SLC12A3: variants seen among roughly 807,000 people sequenced by gnomAD.
SLC12A3 encodes the protein solute carrier family 12 member 3.
SLC12A3 carries 104 observed loss-of-function variants against 121.0 expected under a neutral mutation model. That is an observed-to-expected ratio of 0.86 (90% confidence interval 0.73 to 1.01). SLC12A3 has a LOEUF of 1.01. SLC12A3 is among the 50% of genes least tolerant of loss of function. The probability of loss-of-function intolerance (pLI) is 0.00; values close to 1 mark genes in which losing one functional copy is unlikely to be tolerated. For synonymous variants in SLC12A3, 536 were observed against 533.4 expected (o/e 1.00, Z -0.07); for missense variants, 1,328 against 1,356.3 (o/e 0.98, Z 0.33).
chr16:56,893,148 G>A (rs1292721593), intron 21 of SLC12A3, 94 bp downstream of exon 21: 4 of 1,041,380 alleles, frequency 3.8e-6, no homozygotes, highest in Non-Finnish European at 4.4e-6. Flanking sequence ...TCTCAAAGGG[G>A]ACAGGGGCTC....
At chr16:56,911,260 T>G (rs1405434445) in intron 25 of SLC12A3, among the ~76,000 whole-genome samples, 1 of 152,250 alleles carries the variant, frequency 6.6e-6, no homozygotes, top group Non-Finnish European at 1.5e-5. Flanking sequence ...GACTATAGCT[T>G]AATGAAATGG....
At position 56,913,558 on chromosome 16, in the gene SLC12A3, A is replaced by G; in HGVS notation, c.*153A>G. ...ACCGAAAAAGATGGTAGATTTCCAA[A>G]TCTGGCTGGACTCCACTTCCATGGG... On this transcript the variant is annotated 3_prime_UTR_variant, in exon 26 of 26. Transcript: ENST00000563236. The G allele has an allele frequency of 1.2e-6, 1 of 816,226 alleles. No individual in the cohort carries two copies. Among genetic ancestry groups the G allele is most frequent in the Non-Finnish European group, 2.1e-6 (1 of 475,882 alleles). 50.6% of individuals were successfully genotyped at this position (816,226 alleles called of 1,614,324 possible).
intron 3 of SLC12A3, among the ~76,000 whole-genome samples, chr16:56,869,478 C>T (rs2055058602): frequency 6.6e-6 from 1 of 152,190 alleles, no homozygotes. Flanking sequence ...CAGGCATGTG[C>T]CAGCATGCCT....
chr16:56,897,858 C>A (rs1350488105), intron 22 of SLC12A3, among the ~76,000 whole-genome samples: 1 of 152,230 alleles, frequency 6.6e-6, no homozygotes, highest in African/African-American at 2.4e-5. Flanking sequence ...ACTGCCCAGG[C>A]CTGCCAGCCT....
chr16:56,869,172 CA>C (rs1193968178), intron 3 of SLC12A3, among the ~76,000 whole-genome samples: 1 of 152,148 alleles, frequency 6.6e-6, no homozygotes, highest in Non-Finnish European at 1.5e-5. Flanking sequence ...AGTAAAAACA[CA>C]GCGCAGATTT....
chr16:56,890,320 G>A lies in SLC12A3; in HGVS notation c.2332G>A (p.Glu778Lys), dbSNP rs1273559412. Residue 778 changes from glutamate (E) to lysine (K), a missense_variant, in exon 19 of 26, where the codon GAG (glutamate) becomes AAG (lysine). Coordinates refer to ENST00000563236, the MANE Select transcript of SLC12A3 (RefSeq NM_001126108.2). ...TGGCGTGTGTGTCATGAGGATGCGG[G>A]AGGGACTCAACGTGTCCAAGATGAT... ...NYGVCVMRMREGLNVSKMMQA... is the reference protein window; with the variant it reads ...NYGVCVMRMRKGLNVSKMMQA... 4 of 1,614,168 alleles carry A rather than the reference G, an allele frequency of 2.5e-6. No individual in the cohort carries two copies. Among genetic ancestry groups the A allele is most frequent in the Admixed American group, 3.3e-5 (2 of 60,004 alleles).
intron 4 of SLC12A3, 83 bp downstream of exon 4, chr16:56,869,907 A>C: frequency 2.9e-6 from 4 of 1,394,184 alleles, no homozygotes; most frequent in Non-Finnish European, 4.1e-6. Context: ...CCCCAACCCA[A>C]TGGTACACCC....
At chr16:56,876,207 G>T (rs2055161653) in intron 8 of SLC12A3, among the ~76,000 whole-genome samples, 1 of 152,082 alleles carries the variant, frequency 6.6e-6, no homozygotes, top group Non-Finnish European at 1.5e-5. Context: ...TCCTTTCCTT[G>T]TAAGGACACC....
Position 56,892,948 on chromosome 16 carries a change from T to A in SLC12A3, c.2420-5T>A, listed in dbSNP as rs200358117. ...TCTGCTCTGACCCGCCCCCACCTCCTGCAGTGGACCCCAAGGCCCTGGTGA... is the reference window on the plus strand; with the variant it reads ...TCTGCTCTGACCCGCCCCCACCTCCAGCAGTGGACCCCAAGGCCCTGGTGA... On this transcript the variant is annotated splice_polypyrimidine_tract_variant and splice_region_variant and intron_variant, in intron 20 of 25. Transcript: ENST00000563236. 243 of 1,612,846 alleles carry A rather than the reference T, an allele frequency of 1.5e-4. No homozygotes were observed. Among genetic ancestry groups the A allele is most frequent in the Non-Finnish European group, 1.1e-4 (132 of 1,179,032 alleles).
intron 4 of SLC12A3, 130 bp from the exon 5 acceptor site, chr16:56,869,966 C>T (rs1295776231): frequency 7.2e-7 from 1 of 1,389,514 alleles, no homozygotes; most frequent in African/African-American, 1.4e-5. Flanking sequence ...CTGTCTACAC[C>T]ACGAGATGGC....
At position 56,915,763 on chromosome 16, in the gene SLC12A3, T is replaced by C. The variant is rs886052175; in HGVS notation, c.*2358T>C. The C allele has an allele frequency of 2.0e-5, 3 of 152,192 alleles. No homozygotes were observed. Among genetic ancestry groups the C allele is most frequent in the Non-Finnish European group, 4.4e-5 (3 of 68,026 alleles). 9.4% of individuals were successfully genotyped at this position (152,192 alleles called of 1,614,324 possible). On this transcript the variant is annotated 3_prime_UTR_variant, in exon 26 of 26. Coordinates refer to ENST00000563236, the MANE Select transcript of SLC12A3 (RefSeq NM_001126108.2). ...AGAAATAGTATGTTTTTAACAATAG[T>C]AATAGCTTTGTAAAAAAATAAAAAG...
In SLC12A3 at chr16:56,909,820, C is replaced by T. The variant is rs115470979; in HGVS notation, c.2925-3444C>T. On this transcript the variant is annotated intron_variant, in intron 25 of 25. Coordinates refer to ENST00000563236, the MANE Select transcript of SLC12A3 (RefSeq NM_001126108.2). ...GAAAAAAAAAAAATCTCCCAAGCCT[C>T]GGTGAAATGATTAGATCACATTGTC... 7.3e-3 allele frequency among the ~76,000 whole-genome samples: 1,106 copies of T among 152,184 alleles called. 19 individuals carry two copies. Among genetic ancestry groups the T allele is most frequent in the African/African-American group, 0.025 (1,046 of 41,526 alleles).
Position 56,913,314 on chromosome 16 carries a change from C to A in SLC12A3, c.2975C>A (p.Ala992Asp). ...AAGTGCCCCAGCTCGCTGTACATGG[C>A]CTGGCTGGAGACCCTGTCCCAGGAC... ...KGKCPSSLYM[A>D]WLETLSQDLR... is the part of the protein sequence containing the mutation. Residue 992 changes from alanine (A) to aspartate (D), a missense_variant, in exon 26 of 26, where the codon GCC (alanine) becomes GAC (aspartate). Coordinates refer to ENST00000563236, the MANE Select transcript of SLC12A3 (RefSeq NM_001126108.2). 6.2e-7 allele frequency: 1 copy of A among 1,614,184 alleles called. No homozygotes were observed. Among genetic ancestry groups the A allele is most frequent in the Non-Finnish European group, 8.5e-7 (1 of 1,180,026 alleles).
At chr16:56,898,063 T>A (rs1429275186) in intron 22 of SLC12A3, among the ~76,000 whole-genome samples, 1 of 152,042 alleles carries the variant, frequency 6.6e-6, no homozygotes, top group Non-Finnish European at 1.5e-5. Context: ...TCCACCCCCC[T>A]GCACCCCGAT....
intron 1 of SLC12A3, among the ~76,000 whole-genome samples, chr16:56,866,509 T>C (rs1292375514): frequency 6.6e-6 from 1 of 152,206 alleles, no homozygotes; most frequent in Non-Finnish European, 1.5e-5. Context: ...GGACCAACTA[T>C]GTGGCCTTGG....
In SLC12A3 at chr16:56,899,515, C is replaced by T; in HGVS notation, c.2634-15C>T. The T allele has an allele frequency of 6.2e-7, 1 of 1,600,172 alleles. No individual in the cohort carries two copies. Among genetic ancestry groups the T allele is most frequent in the Non-Finnish European group, 8.6e-7 (1 of 1,167,240 alleles). On this transcript the variant is annotated splice_polypyrimidine_tract_variant and intron_variant, in intron 22 of 25. Coordinates refer to ENST00000563236, the MANE Select transcript of SLC12A3 (RefSeq NM_001126108.2). ...AGAAAAAGTAATAACAATAAACCCTCCATGTGTCCTCCAGGATCATTTCTC... is the reference window on the plus strand; with the variant it reads ...AGAAAAAGTAATAACAATAAACCCTTCATGTGTCCTCCAGGATCATTTCTC...
At chr16:56,881,561 G>A (rs1433872459) in intron 12 of SLC12A3, among the ~76,000 whole-genome samples, 17 of 152,208 alleles carry the variant, frequency 1.1e-4, no homozygotes, top group Admixed American at 4.6e-4. Context: ...GGTGCACGTC[G>A]TGTTTTGGGA....
intron 25 of SLC12A3, among the ~76,000 whole-genome samples, chr16:56,910,955 C>T (rs2055676672): frequency 6.6e-6 from 1 of 150,986 alleles, no homozygotes; most frequent in Admixed American, 6.6e-5. Context: ...GGTGTGGGGG[C>T]GGGGGTGATT....
At chr16:56,868,983 A>AT (rs1310490973) in intron 3 of SLC12A3, among the ~76,000 whole-genome samples, 45 of 139,784 alleles carry the variant, frequency 3.2e-4, no homozygotes, top group Middle Eastern at 3.4e-3. Flanking sequence ...CAAAAAAAAT[A>AT]AAAAATAAAA....
Sources: allele counts gnomAD v4.1 joint callset (sites outside exome capture counted in the v4.1 genomes callset), GRCh38; gene constraint gnomAD v4.1.1; transcripts MANE v1.5; gene names NCBI Gene and HGNC (gene_info 2026-07-23, HGNC 2026-07-21).